The following SH3D19 variants were observed in gnomAD, a reference collection of about 807,000 sequenced individuals.
SH3D19 encodes SH3 domain-containing protein 19.
Under a neutral mutation model 112.1 loss-of-function variants are expected in SH3D19, and 58 were observed. The ratio of observed to expected loss-of-function variants is 0.52; its 90% CI spans 0.42 to 0.64. The LOEUF is 0.64. Ranked by LOEUF, SH3D19 falls within the 30% of genes least tolerant of loss-of-function variation. The pLI, the probability that SH3D19 is intolerant of heterozygous loss-of-function variation, is 0.00. For missense variants in SH3D19, 1,090 were observed against 1,263.4 expected (o/e 0.86, Z 2.08); for synonymous variants, 391 against 448.5 (o/e 0.87, Z 1.62).
chr4:151,239,951 C>A (rs763543978), intron 1 of SH3D19, among the ~76,000 whole-genome samples: 3 of 152,134 alleles, frequency 2.0e-5, no homozygotes, highest in African/African-American at 7.2e-5. Flanking sequence ...CTGTAGAACA[C>A]GCTCTAAAAT....
intron 13 of SH3D19, among the ~76,000 whole-genome samples, chr4:151,139,458 C>G (rs971964387): frequency 6.6e-6 from 1 of 152,120 alleles, no homozygotes; most frequent in Non-Finnish European, 1.5e-5. Context: ...GGCCTAGTAC[C>G]CACTATTTTG....
chr4:151,275,043 T>C (rs1773480315), intron 1 of SH3D19, among the ~76,000 whole-genome samples: 1 of 152,028 alleles, frequency 6.6e-6, no homozygotes, highest in Non-Finnish European at 1.5e-5. Flanking sequence ...TATCTCCAAA[T>C]ATTGTCATAC....
At chr4:151,126,741 T>C (rs910343974) in intron 19 of SH3D19, among the ~76,000 whole-genome samples, 1 of 139,990 alleles carries the variant, frequency 7.1e-6, no homozygotes. Context: ...GAGCTTGCAG[T>C]GAGCCGAGAT....
Position 151,325,522 on chromosome 4 carries a change from C to A in SH3D19, c.-170G>T. The A allele has an allele frequency of 3.2e-6, 1 of 308,220 alleles. No individual in the cohort carries two copies. The highest frequency in any genetic ancestry group is 5.9e-6 in the Non-Finnish European group (1 of 170,090). The allele number at this position is 308,220 out of a possible 1,614,324, so 19.1% of individuals were successfully genotyped here. A position where few individuals can be genotyped will look rare whatever the true frequency, so the allele number is the denominator to read the frequency against. ...GAAATGGCCACCTCCGCGAACTCCA[C>A]CTGCAGCCGGCCGGGCAGCGGCAGG... is the stretch of plus-strand genomic sequence containing the variant. On this transcript the variant is annotated 5_prime_UTR_variant, in exon 1 of 20. Coordinates refer to ENST00000604030, the MANE Select transcript of SH3D19 (RefSeq NM_001378122.1).
At chr4:151,274,291 G>A (rs373410851) in intron 1 of SH3D19, among the ~76,000 whole-genome samples, 1 of 152,098 alleles carries the variant, frequency 6.6e-6, no homozygotes, top group South Asian at 2.1e-4. Context: ...ATTTAAAGAG[G>A]TAAACATCTT....
intron 1 of SH3D19, among the ~76,000 whole-genome samples, chr4:151,241,526 T>C (rs1770557036): frequency 6.8e-6 from 1 of 146,220 alleles, no homozygotes; most frequent in Non-Finnish European, 1.5e-5. Flanking sequence ...TGCACAACTC[T>C]GTGAATACAC....
chr4:151,127,767 C>T, intron 18 of SH3D19, 52 bp from the exon 19 acceptor site: 1 of 1,051,196 alleles, frequency 9.5e-7, no homozygotes, highest in South Asian at 1.9e-5. Flanking sequence ...GACTAAAACA[C>T]AAATCTAACA....
intron 2 of SH3D19, among the ~76,000 whole-genome samples, chr4:151,194,016 ATTTTTTTTTTTTTTTTT>A (rs201719037): frequency 2.7e-5 from 3 of 111,898 alleles, no homozygotes; most frequent in Non-Finnish European, 5.1e-5. Context: ...AGTAGGATTA[ATTTTTTTTTTTTTTTTT>A]TTTTTTTTTT....
chr4:151,148,288 C>CACAG (rs902059128), intron 10 of SH3D19, 102 bp from the exon 11 acceptor site: 8 of 824,188 alleles, frequency 9.7e-6, no homozygotes, highest in Admixed American at 9.7e-5. Flanking sequence ...CACACACACA[C>CACAG]AGAGACACAG....
At chr4:151,220,059 A>T (rs1252247575) in intron 2 of SH3D19, among the ~76,000 whole-genome samples, 1 of 152,164 alleles carries the variant, frequency 6.6e-6, no homozygotes, top group Non-Finnish European at 1.5e-5. Flanking sequence ...TGCTGCCTCT[A>T]TCATACCACA....
chr4:151,122,882 C>T (rs1046509778), intron 19 of SH3D19, among the ~76,000 whole-genome samples: 2 of 140,022 alleles, frequency 1.4e-5, no homozygotes, highest in Non-Finnish European at 1.5e-5. Context: ...GACGGAGTCT[C>T]GCTCTGTCAC....
At chr4:151,155,589 A>T (rs1437657754) in intron 9 of SH3D19, among the ~76,000 whole-genome samples, 1 of 151,950 alleles carries the variant, frequency 6.6e-6, no homozygotes, top group Non-Finnish European at 1.5e-5. Flanking sequence ...ATGGACATTT[A>T]AAAAAAACGA....
intron 3 of SH3D19, among the ~76,000 whole-genome samples, chr4:151,183,009 T>TTTTG (rs1761192479): frequency 6.6e-6 from 1 of 151,578 alleles, no homozygotes; most frequent in African/African-American, 2.4e-5. Flanking sequence ...TTTTTCTTTT[T>TTTTG]GAGCTGGGGT....
chr4:151,222,299 A>G (rs1768185962), intron 2 of SH3D19, among the ~76,000 whole-genome samples: 1 of 152,260 alleles, frequency 6.6e-6, no homozygotes, highest in African/African-American at 2.4e-5. Context: ...CTGAAGAAAC[A>G]GTATAAGTAA....
chr4:151,196,165 G>A (rs184423765), intron 2 of SH3D19, among the ~76,000 whole-genome samples: 8 of 152,258 alleles, frequency 5.3e-5, no homozygotes, highest in East Asian at 1.9e-4. Context: ...TATCAAAAAC[G>A]GAACATCAAA....
At chr4:151,293,737 TCA>T (rs578123998) in intron 1 of SH3D19, among the ~76,000 whole-genome samples, 91 of 152,328 alleles carry the variant, frequency 6.0e-4, no homozygotes, top group Non-Finnish European at 1.2e-3. Context: ...CTCCTGCTGC[TCA>T]CAGAGTAAGG....
intron 1 of SH3D19, among the ~76,000 whole-genome samples, chr4:151,285,764 G>C (rs1009223666): frequency 6.6e-6 from 1 of 152,052 alleles, no homozygotes; most frequent in African/African-American, 2.4e-5. Context: ...CTACTTAGGA[G>C]ACTGGGGCAG....
At chr4:151,307,180 G>T (rs1322268648) in intron 1 of SH3D19, among the ~76,000 whole-genome samples, 1 of 151,744 alleles carries the variant, frequency 6.6e-6, no homozygotes, top group East Asian at 1.9e-4. Context: ...CACTACGCCC[G>T]GCTAATTTTT....
intron 1 of SH3D19, among the ~76,000 whole-genome samples, chr4:151,227,074 T>C (rs1169502313): frequency 1.3e-5 from 2 of 152,214 alleles, no homozygotes; most frequent in South Asian, 2.1e-4. Flanking sequence ...GAAAAAATCC[T>C]ATGGAATATT....
Sources: allele counts gnomAD v4.1 joint callset (sites outside exome capture counted in the v4.1 genomes callset), GRCh38; gene constraint gnomAD v4.1.1; transcripts MANE v1.5; gene names NCBI Gene and HGNC (gene_info 2026-07-23, HGNC 2026-07-21).